PLA2R1: variants seen among roughly 807,000 people sequenced by gnomAD.
The protein encoded by PLA2R1 is secretory phospholipase A2 receptor.
Under a neutral mutation model 195.9 loss-of-function variants are expected in PLA2R1, and 158 were observed. The ratio of observed to expected loss-of-function variants is 0.81; its 90% CI spans 0.71 to 0.92. The LOEUF is 0.92. Among genes scored for constraint, PLA2R1 ranks in the 40% least tolerant of loss-of-function variants. The pLI, the probability that PLA2R1 is intolerant of heterozygous loss-of-function variation, is 0.00. For synonymous variants in PLA2R1, 586 were observed against 598.2 expected, an observed-to-expected ratio of 0.98 and a Z score of 0.30; for missense variants, 1,626 against 1,764.6, an observed-to-expected ratio of 0.92 and a Z score of 1.41.
Position 159,941,330 on chromosome 2 carries a change from C to G in PLA2R1, c.*448G>C, listed in dbSNP as rs1687074014. ...TAAGAATCCTCTCAGAAGCCCTTTCCTTTTCCTCTCATATACAAGATTAAT... is the reference window on the plus strand; with the variant it reads ...TAAGAATCCTCTCAGAAGCCCTTTCGTTTTCCTCTCATATACAAGATTAAT... On this transcript the variant is annotated 3_prime_UTR_variant, in exon 30 of 30. Coordinates refer to ENST00000283243, the MANE Select transcript of PLA2R1 (RefSeq NM_007366.5). 6.6e-6 allele frequency: 1 copy of G among 152,560 alleles called. No homozygotes were observed. Among genetic ancestry groups the G allele is most frequent in the South Asian group, 2.1e-4 (1 of 4,846 alleles). 9.5% of individuals were successfully genotyped at this position (152,560 alleles called of 1,614,324 possible).
intron 4 of PLA2R1, among the ~76,000 whole-genome samples, chr2:160,031,117 C>T (rs1478551374): frequency 1.2e-4 from 19 of 152,130 alleles, no homozygotes; most frequent in Admixed American, 1.2e-3. Flanking sequence ...GCACACATTG[C>T]TCATTCATTT....
At chr2:160,038,486 G>A (rs146515528) in intron 3 of PLA2R1, among the ~76,000 whole-genome samples, 36 of 152,328 alleles carry the variant, frequency 2.4e-4, no homozygotes, top group South Asian at 1.2e-3. Flanking sequence ...TGGATGGGGC[G>A]CTCCAGAGCC....
the PLA2R1 span, among the ~76,000 whole-genome samples, chr2:159,925,573 A>AAT: frequency 6.6e-6 from 1 of 151,706 alleles, no homozygotes; most frequent in Non-Finnish European, 1.5e-5. Flanking sequence ...AAAAAAAAAA[A>AAT]AAAGTTGTGG....
intron 1 of PLA2R1, among the ~76,000 whole-genome samples, chr2:160,053,711 G>A (rs1261322215): frequency 6.6e-6 from 1 of 152,246 alleles, no homozygotes; most frequent in Non-Finnish European, 1.5e-5. Context: ...CAACCTGGTT[G>A]CCACTGTGTG....
Position 159,939,984 on chromosome 2 carries a change from T to C in PLA2R1, c.*1794A>G, listed in dbSNP as rs1687017150. The C allele has an allele frequency of 6.6e-6, 1 of 152,228 alleles. No homozygotes were observed. 9.4% of individuals were successfully genotyped at this position (152,228 alleles called of 1,614,324 possible). A position where few individuals can be genotyped will look rare whatever the true frequency, so the allele number is the denominator to read the frequency against. On this transcript the variant is annotated 3_prime_UTR_variant, in exon 30 of 30. Transcript: ENST00000283243. ...AAATTATGGAGGTAGACTGTCCCAG[T>C]GTGTAAATTATTATAACAGTAGCAA...
intron 19 of PLA2R1, 64 bp from the exon 20 acceptor site, chr2:159,967,742 A>G: frequency 7.4e-7 from 1 of 1,360,076 alleles, no homozygotes; most frequent in African/African-American, 1.5e-5. Flanking sequence ...GGCATTCTCT[A>G]TTGATCACTA....
intron 29 of PLA2R1, 28 bp from the exon 30 acceptor site, chr2:159,942,020 A>G: frequency 6.3e-7 from 1 of 1,597,148 alleles, no homozygotes; most frequent in Non-Finnish European, 8.6e-7. Context: ...TCTTAAAAAA[A>G]GAAAAACTTC....
intron 20 of PLA2R1, among the ~76,000 whole-genome samples, chr2:159,957,976 G>A (rs527324490): frequency 1.2e-4 from 19 of 152,196 alleles, no homozygotes; most frequent in African/African-American, 1.9e-4. Context: ...CTAAGATCTC[G>A]CCACTACAGG....
chr2:159,951,944 C>T (rs943336405), intron 23 of PLA2R1, among the ~76,000 whole-genome samples: 1 of 152,166 alleles, frequency 6.6e-6, no homozygotes, highest in African/African-American at 2.4e-5. Flanking sequence ...TGTGGCAGAA[C>T]TTAATGCTTA....
intron 11 of PLA2R1, among the ~76,000 whole-genome samples, chr2:159,992,207 G>C (rs977893645): frequency 2.6e-5 from 4 of 151,708 alleles, no homozygotes; most frequent in African/African-American, 4.8e-5. Context: ...GCATTTCTCT[G>C]ATGGCCAGTG....
chr2:160,061,732 G>A (rs989981108), intron 1 of PLA2R1, among the ~76,000 whole-genome samples: 11 of 152,114 alleles, frequency 7.2e-5, no homozygotes, highest in African/African-American at 2.7e-4. Flanking sequence ...CCGAGATCCC[G>A]CCATTACACT....
At chr2:160,021,132 T>C (rs1693081819) in intron 7 of PLA2R1, among the ~76,000 whole-genome samples, 2 of 152,012 alleles carry the variant, frequency 1.3e-5, no homozygotes, top group Non-Finnish European at 2.9e-5. Context: ...CCCCAACAGA[T>C]GTTGGTGAGG....
intron 11 of PLA2R1, among the ~76,000 whole-genome samples, chr2:159,997,411 T>C (rs1691287062): frequency 6.6e-6 from 1 of 152,110 alleles, no homozygotes; most frequent in Non-Finnish European, 1.5e-5. Flanking sequence ...AAAACTCCAG[T>C]AGCAGTCTCT....
intron 1 of PLA2R1, among the ~76,000 whole-genome samples, chr2:160,055,893 G>T (rs530792694): frequency 6.6e-6 from 1 of 152,212 alleles, no homozygotes; most frequent in Admixed American, 6.5e-5. Context: ...AAATCTCAGG[G>T]CTACAGCTTC....
chr2:159,967,435 T>C (rs1688860701), intron 20 of PLA2R1, 104 bp downstream of exon 20: 1 of 922,552 alleles, frequency 1.1e-6, no homozygotes, highest in Admixed American at 2.4e-5. Context: ...CCAGGTCCTA[T>C]GGACAACTCA....
chr2:160,047,910 C>T (rs1384209412), intron 1 of PLA2R1, among the ~76,000 whole-genome samples: 4 of 152,190 alleles, frequency 2.6e-5, no homozygotes, highest in African/African-American at 7.2e-5. Context: ...ACTGAGGCCT[C>T]GGCCTCCCAG....
intron 6 of PLA2R1, among the ~76,000 whole-genome samples, chr2:160,024,097 C>T (rs1693344336): frequency 6.6e-6 from 1 of 152,170 alleles, no homozygotes; most frequent in Non-Finnish European, 1.5e-5. Flanking sequence ...CTATGCTTGC[C>T]TCAGAGAAAG....
In PLA2R1 at chr2:159,937,031, A is replaced by G. The variant is rs1304237598; in HGVS notation, c.*4747T>C. On this transcript the variant is annotated 3_prime_UTR_variant, in exon 30 of 30. Transcript: ENST00000283243. ...TCTCATAGGTGCCAAAAAATCAGTG[A>G]TTCTACATTAAAAATTATTTTCTAT... The G allele has an allele frequency of 6.6e-6, 1 of 152,198 alleles. No individual in the cohort carries two copies. Among genetic ancestry groups the G allele is most frequent in the East Asian group, 1.9e-4 (1 of 5,202 alleles). 9.4% of individuals were successfully genotyped at this position (152,198 alleles called of 1,614,324 possible). A position where few individuals can be genotyped will look rare whatever the true frequency, so the allele number is the denominator to read the frequency against.
At chr2:160,061,075 A>G (rs1190481941) in intron 1 of PLA2R1, among the ~76,000 whole-genome samples, 1 of 152,244 alleles carries the variant, frequency 6.6e-6, no homozygotes, top group African/African-American at 2.4e-5. Flanking sequence ...AAAAATGTAG[A>G]CATATTCTAC....
Sources: gnomAD v4.1 joint callset for allele counts (sites outside exome capture counted in the v4.1 genomes callset) on GRCh38, gnomAD v4.1.1 for gene constraint, MANE v1.5 for transcripts, NCBI Gene and HGNC (gene_info 2026-07-23, HGNC 2026-07-21) for gene names.